Variants in KLHL4 observed in about 807,000 individuals in gnomAD.
The protein encoded by KLHL4 is kelch-like protein 4.
Under a neutral mutation model 45.8 loss-of-function variants are expected in KLHL4, and 17 were observed. The ratio of observed to expected loss-of-function variants is 0.37; its 90% CI spans 0.25 to 0.56. The LOEUF (loss-of-function observed/expected upper bound fraction) is 0.56, where lower values mean the gene tolerates loss of function less well. Among genes scored for constraint, KLHL4 ranks in the 20% least tolerant of loss-of-function variants. KLHL4 has a pLI of 0.79. For missense variants in KLHL4, 544 were observed against 544.9 expected (o/e 1.00, Z 0.02); for synonymous variants, 224 against 189.9 (o/e 1.18, Z -1.47).
chrX:87,559,295 A>G (rs761608757), intron 1 of KLHL4, among the ~76,000 whole-genome samples: 66 of 112,213 alleles, frequency 5.9e-4, no homozygotes, highest in African/African-American at 1.9e-3. Flanking sequence ...CCCACTAGCC[A>G]TAGTTTGTCA....
At chrX:87,589,660 C>A (rs1175710205) in intron 1 of KLHL4, among the ~76,000 whole-genome samples, 2 of 110,752 alleles carry the variant, frequency 1.8e-5, no homozygotes, top group Admixed American at 9.6e-5. Context: ...TTAGAGACTG[C>A]CAAGAGTGGT....
rs181880692 is a variant in KLHL4 at position 87,645,417 on chromosome X, C to T, written c.1925+9642C>T. ...AAAAAACGGTAGATGCCAGTGTGAT[C>T]GCGGTGAACAGGGAACACTTCTACA... On this transcript the variant is annotated intron_variant, in intron 9 of 10. Transcript: ENST00000373119. Among the ~76,000 whole-genome samples the T allele has an allele frequency of 1.4e-3, 150 of 110,772 alleles. 2 individuals are homozygous for T. The South Asian group carries it at 0.051, about 37-fold the overall frequency.
chrX:87,609,798 G>A (rs906745706), intron 1 of KLHL4, among the ~76,000 whole-genome samples: 1 of 111,215 alleles, frequency 9.0e-6, no homozygotes, highest in Non-Finnish European at 1.9e-5. Flanking sequence ...GGCTTGTGTT[G>A]CCATTGCTTT....
Position 87,667,079 on chromosome X carries a change from G to T in KLHL4, c.*545G>T. ...ATTTACCAAGAGGAAAGCTTTTACT[G>T]TGTTGAAGCTAAAAAAATAATGGCT... On this transcript the variant is annotated 3_prime_UTR_variant, in exon 11 of 11. Coordinates refer to ENST00000373119, the MANE Select transcript of KLHL4 (RefSeq NM_019117.5). The T allele has an allele frequency of 4.4e-6, 3 of 679,301 alleles. No homozygotes were observed. Among genetic ancestry groups the T allele is most frequent in the Non-Finnish European group, 5.0e-6 (3 of 598,663 alleles). 56.0% of individuals were successfully genotyped at this position (679,301 alleles called of 1,213,427 possible).
chrX:87,601,613 T>C (rs750175572), intron 1 of KLHL4, among the ~76,000 whole-genome samples: 1 of 111,375 alleles, frequency 9.0e-6, no homozygotes, highest in South Asian at 3.8e-4. Flanking sequence ...AATGGAAGAC[T>C]GCCTTACCCT....
At chrX:87,586,439 C>T (rs971568341) in intron 1 of KLHL4, among the ~76,000 whole-genome samples, 1 of 111,229 alleles carries the variant, frequency 9.0e-6, no homozygotes, top group Admixed American at 9.6e-5. Flanking sequence ...CCTCTGACCA[C>T]AATGAAATAA....
At chrX:87,547,468 AC>A (rs1264311510) in intron 1 of KLHL4, among the ~76,000 whole-genome samples, 17 of 111,671 alleles carry the variant, frequency 1.5e-4, no homozygotes, top group African/African-American at 5.2e-4. Context: ...AGTCTTGAGC[AC>A]TTCTTTACAG....
At chrX:87,593,514 G>A (rs1921743845) in intron 1 of KLHL4, among the ~76,000 whole-genome samples, 1 of 111,613 alleles carries the variant, frequency 9.0e-6, no homozygotes, top group South Asian at 3.7e-4. Flanking sequence ...CTTTTCAGTT[G>A]TAGAATTTTA....
At chrX:87,587,322 G>C (rs943817210) in intron 1 of KLHL4, among the ~76,000 whole-genome samples, 7 of 110,162 alleles carry the variant, frequency 6.4e-5, no homozygotes, top group Admixed American at 9.7e-5. Flanking sequence ...GATACCAAAA[G>C]CCAACAAAAA....
intron 1 of KLHL4, among the ~76,000 whole-genome samples, chrX:87,531,427 T>A (rs1313002162): frequency 9.0e-6 from 1 of 111,439 alleles, no homozygotes; most frequent in Admixed American, 9.7e-5. Flanking sequence ...TTAATCCACC[T>A]TGAATTGATT....
At chrX:87,593,511 G>A (rs934608402) in intron 1 of KLHL4, among the ~76,000 whole-genome samples, 6 of 111,533 alleles carry the variant, frequency 5.4e-5, no homozygotes, top group African/African-American at 2.0e-4. Context: ...GTACTTTTCA[G>A]TTGTAGAATT....
intron 1 of KLHL4, among the ~76,000 whole-genome samples, chrX:87,605,419 A>G (rs971240450): frequency 9.1e-6 from 1 of 110,221 alleles, no homozygotes; most frequent in Non-Finnish European, 1.9e-5. Flanking sequence ...CCATTTTTTC[A>G]TGTCTCTGTT....
In KLHL4 at chrX:87,666,872, C is replaced by A; in HGVS notation, c.*338C>A. ...TGTGCAGGTTATAAAAGCATTAATA[C>A]ATTTCAAGGTAAGAGCCTTAAAAGT... On this transcript the variant is annotated 3_prime_UTR_variant, in exon 11 of 11. Transcript: ENST00000373119. 1.4e-6 allele frequency: 1 copy of A among 739,981 alleles called. No homozygotes were observed. Among genetic ancestry groups the A allele is most frequent in the Non-Finnish European group, 1.6e-6 (1 of 621,651 alleles). The allele number at this position is 739,981 out of a possible 1,213,427, so 61.0% of individuals were successfully genotyped here. A position where few individuals can be genotyped will look rare whatever the true frequency, so the allele number is the denominator to read the frequency against.
At chrX:87,616,115 G>A (rs1174831592) in intron 3 of KLHL4, among the ~76,000 whole-genome samples, 2 of 110,960 alleles carry the variant, frequency 1.8e-5, no homozygotes, top group Non-Finnish European at 3.8e-5. Context: ...AGAAAATTAT[G>A]GAAAGGACAC....
At chrX:87,551,601 A>G (rs1483571120) in intron 1 of KLHL4, among the ~76,000 whole-genome samples, 4 of 109,328 alleles carry the variant, frequency 3.7e-5, no homozygotes, top group African/African-American at 1.3e-4. Flanking sequence ...ATAGATAGAT[A>G]GATAGATAGA....
chrX:87,543,785 G>GTGA (rs1329212336), intron 1 of KLHL4, among the ~76,000 whole-genome samples: 1 of 111,292 alleles, frequency 9.0e-6, no homozygotes, highest in Non-Finnish European at 1.9e-5. Context: ...AGGCCATAAG[G>GTGA]ACTGCAACTC....
At chrX:87,587,726 T>A (rs1229358867) in intron 1 of KLHL4, among the ~76,000 whole-genome samples, 1 of 111,341 alleles carries the variant, frequency 9.0e-6, no homozygotes, top group Non-Finnish European at 1.9e-5. Context: ...GCAAGCTTTT[T>A]CTCTAGTATC....
Position 87,587,925 on chromosome X carries a change from T to G in KLHL4, c.423-25952T>G, listed in dbSNP as rs1283824523. 2.7e-5 allele frequency among the ~76,000 whole-genome samples: 3 copies of G among 111,588 alleles called. No individual in the cohort carries two copies. In the East Asian group the frequency reaches 8.4e-4, roughly 31 times the overall value. ...AAACCTAAAGGATCCACAAGAAATC[T>G]ACTAGAACTGATCAACAAATTCAGT... is the stretch of plus-strand genomic sequence containing the variant. On this transcript the variant is annotated intron_variant, in intron 1 of 10. Coordinates refer to ENST00000373119, the MANE Select transcript of KLHL4 (RefSeq NM_019117.5).
chrX:87,538,443 T>C (rs1369247010), intron 1 of KLHL4, among the ~76,000 whole-genome samples: 2 of 112,105 alleles, frequency 1.8e-5, no homozygotes, highest in Non-Finnish European at 3.8e-5. Flanking sequence ...GTGTTCCTTT[T>C]ATTAACAGAC....
Sources: gnomAD v4.1 joint callset for allele counts (sites outside exome capture counted in the v4.1 genomes callset) on GRCh38, gnomAD v4.1.1 for gene constraint, MANE v1.5 for transcripts, NCBI Gene and HGNC (gene_info 2026-07-23, HGNC 2026-07-21) for gene names.